Variants in RB1CC1 observed in about 807,000 individuals in gnomAD.
RB1CC1 encodes the protein RB1-inducible coiled-coil protein 1.
RB1CC1 carries 46 observed loss-of-function variants against 177.5 expected under a neutral mutation model. The ratio of observed to expected loss-of-function variants is 0.26; its 90% CI spans 0.20 to 0.33. The LOEUF (loss-of-function observed/expected upper bound fraction) is 0.33. RB1CC1 is among the 10% of genes least tolerant of loss of function. The probability of loss-of-function intolerance (pLI) is 1.00; values close to 1 mark genes in which losing one functional copy is unlikely to be tolerated. For missense variants in RB1CC1, 1,703 were observed against 1,816.3 expected, an observed-to-expected ratio of 0.94 and a Z score of 1.13; for synonymous variants, 666 against 613.6, an observed-to-expected ratio of 1.09 and a Z score of -1.26.
intron 15 of RB1CC1, among the ~76,000 whole-genome samples, chr8:52,647,413 T>C (rs770263684): frequency 2.6e-5 from 4 of 152,158 alleles, no homozygotes; most frequent in Admixed American, 6.6e-5. Flanking sequence ...AGGATTTACT[T>C]TTAAAGTTTC....
At chr8:52,709,591 T>C (rs140933144) in intron 1 of RB1CC1, among the ~76,000 whole-genome samples, 1 of 151,974 alleles carries the variant, frequency 6.6e-6, no homozygotes, top group Non-Finnish European at 1.5e-5. Context: ...ATACAAGAAT[T>C]AGTTGGCAGT....
intron 5 of RB1CC1, among the ~76,000 whole-genome samples, chr8:52,680,968 TTGTGTGTGTGTGTG>T (rs34048284): frequency 3.1e-5 from 4 of 131,060 alleles, no homozygotes; most frequent in African/African-American, 1.2e-4. Context: ...TTGTGGGGTT[TTGTGTGTGTGTGTG>T]TGTGTGTGTG....
chr8:52,643,379 T>C (rs1193911734), intron 16 of RB1CC1: 1 of 152,268 alleles, frequency 6.6e-6, no homozygotes, highest in Non-Finnish European at 1.5e-5. Flanking sequence ...GCACAGTTTC[T>C]TTAATAAAGA....
At chr8:52,688,263 C>T (rs895719634) in intron 1 of RB1CC1, among the ~76,000 whole-genome samples, 1 of 152,086 alleles carries the variant, frequency 6.6e-6, no homozygotes, top group Admixed American at 6.5e-5. Flanking sequence ...CAAAAAGAGC[C>T]ATATTTTTCT....
chr8:52,640,714 G>C (rs1309138053), intron 18 of RB1CC1, among the ~76,000 whole-genome samples: 1 of 152,040 alleles, frequency 6.6e-6, no homozygotes, highest in Non-Finnish European at 1.5e-5. Flanking sequence ...ACATATTTAT[G>C]TCATTCATGT....
chr8:52,696,685 A>G lies in RB1CC1; in HGVS notation c.-166-9718T>C, dbSNP rs549401197. ...TAAAAACTTAAAAAGCAAAGAAATTAAGCACTGTCCTTCCTATATGAAATG... is the reference window on the plus strand; with the variant it reads ...TAAAAACTTAAAAAGCAAAGAAATTGAGCACTGTCCTTCCTATATGAAATG... On this transcript the variant is annotated intron_variant, in intron 1 of 23. Transcript: ENST00000025008. Among the ~76,000 whole-genome samples the G allele has an allele frequency of 2.6e-5, 4 of 152,268 alleles. No individual in the cohort carries two copies. The South Asian group carries it at 8.3e-4, about 32-fold the overall frequency.
chr8:52,669,477 G>A (rs1333633921), intron 7 of RB1CC1, among the ~76,000 whole-genome samples: 10 of 152,100 alleles, frequency 6.6e-5, no homozygotes, highest in Non-Finnish European at 7.4e-5. Context: ...TGTACACAGA[G>A]AACATACAAA....
At chr8:52,662,106 T>C (rs1024581612) in intron 8 of RB1CC1, among the ~76,000 whole-genome samples, 3 of 152,020 alleles carry the variant, frequency 2.0e-5, no homozygotes, top group Non-Finnish European at 2.9e-5. Context: ...GCAAACATTA[T>C]ACAGTAGTAT....
chr8:52,629,555 G>C (rs1848618863), intron 21 of RB1CC1, among the ~76,000 whole-genome samples: 1 of 150,458 alleles, frequency 6.6e-6, no homozygotes, highest in South Asian at 2.1e-4. Flanking sequence ...CAAAAGGCAG[G>C]GGTTGGACTT....
Position 52,623,552 on chromosome 8 carries a change from TAA to T in RB1CC1, c.*228_*229del, listed in dbSNP as rs199511696. On this transcript the variant is annotated 3_prime_UTR_variant, in exon 24 of 24. Coordinates refer to ENST00000025008, the MANE Select transcript of RB1CC1 (RefSeq NM_014781.5). Reference sequence around the variant, plus strand: ...GTCCGCATTTCTAGAGTTGTCTGGGTAAAAAAAAAAACCAAAAAACAAAAACC... The same window carrying T: ...GTCCGCATTTCTAGAGTTGTCTGGGTAAAAAAAAACCAAAAAACAAAAACC... 4.1e-5 allele frequency: 17 copies of T among 414,278 alleles called. No individual in the cohort carries two copies. The highest frequency in any genetic ancestry group is 5.0e-5 in the Non-Finnish European group (11 of 221,722). 25.7% of individuals were successfully genotyped at this position (414,278 alleles called of 1,614,324 possible).
chr8:52,634,930 A>C lies in RB1CC1; in HGVS notation c.4431T>G (p.Asn1477Lys). Residue 1477 changes from asparagine (N) to lysine (K), a missense_variant, in exon 20 of 24, where the codon AAT becomes AAG. By Grantham distance (94) the Asn-to-Lys change is moderately conservative. Around this residue, in one of 6 missense-constraint regions of RB1CC1, gnomAD observed 1,169 missense variants for 1,184.7 expected, o/e 0.99. Transcript: ENST00000025008. ...QLKEEENKRL[N>K]QRLMSQSMSS... The stretch of plus-strand genomic sequence containing the variant: ...AGAAGAAAAATCTTACCAGTCTTTG[A>C]TTTAACCGTTTATTTTCTTCTTCTT... 6.2e-7 allele frequency: 1 copy of C among 1,606,826 alleles called. No homozygotes were observed. The highest frequency in any genetic ancestry group is 2.2e-5 in the East Asian group (1 of 44,676).
At chr8:52,706,805 CCCA>C (rs1856604479) in intron 1 of RB1CC1, among the ~76,000 whole-genome samples, 1 of 151,202 alleles carries the variant, frequency 6.6e-6, no homozygotes, top group Non-Finnish European at 1.5e-5. Context: ...ATTATAGGCA[CCCA>C]CCACCACACC....
At chr8:52,635,531 C>A (rs376149532) in intron 19 of RB1CC1, among the ~76,000 whole-genome samples, 36 of 152,120 alleles carry the variant, frequency 2.4e-4, no homozygotes, top group African/African-American at 8.2e-4. Context: ...TCTTATAGTA[C>A]CCTTAATAAA....
At position 52,694,308 on chromosome 8, in the gene RB1CC1, A is replaced by C. The variant is rs145368287; in HGVS notation, c.-166-7341T>G. 7.1e-3 allele frequency among the ~76,000 whole-genome samples: 1,088 copies of C among 152,316 alleles called. 7 individuals are homozygous for C. Among genetic ancestry groups the C allele is most frequent in the Non-Finnish European group, 0.012 (835 of 68,020 alleles). The stretch of plus-strand genomic sequence containing the variant: ...TTCAGGAAGAAGAGGAGGGTGATTC[A>C]GGATCTGCTCTCAAAGCAGAAAATA... On this transcript the variant is annotated intron_variant, in intron 1 of 23. Coordinates refer to ENST00000025008, the MANE Select transcript of RB1CC1 (RefSeq NM_014781.5).
chr8:52,671,696 T>TA (rs1591039533), intron 7 of RB1CC1, among the ~76,000 whole-genome samples: 1 of 152,328 alleles, frequency 6.6e-6, no homozygotes, highest in African/African-American at 2.4e-5. Flanking sequence ...ATAATATATA[T>TA]TTTTTAACTT....
At chr8:52,651,170 C>T (rs1031704536) in intron 15 of RB1CC1, among the ~76,000 whole-genome samples, 1 of 152,134 alleles carries the variant, frequency 6.6e-6, no homozygotes, top group African/African-American at 2.4e-5. Flanking sequence ...ATTATTTATA[C>T]GGGTGTAATG....
Position 52,660,975 on chromosome 8 carries a change from T to C in RB1CC1, c.1578A>G (p.Arg526=). Residue 526 remains arginine (R), a synonymous_variant, in exon 11 of 24, where the codon AGA becomes AGG. Transcript: ENST00000025008. ...TTTTTGATTTTTCTGCTTCATATAA[T>C]CTCTTTCCATCTTTGACTAAAGCAC... ...WAGALVKDGK[R]LYEAEKSKRE... 6.2e-7 allele frequency: 1 copy of C among 1,613,444 alleles called. No homozygotes were observed. The highest frequency in any genetic ancestry group is 1.1e-5 in the South Asian group (1 of 90,994).
chr8:52,662,049 G>A (rs1851680896), intron 8 of RB1CC1, among the ~76,000 whole-genome samples: 1 of 152,016 alleles, frequency 6.6e-6, no homozygotes, highest in Non-Finnish European at 1.5e-5. Context: ...GTCAGTCACA[G>A]CACAAACAAA....
At chr8:52,660,157 T>C (rs1406160028) in intron 12 of RB1CC1, among the ~76,000 whole-genome samples, 1 of 152,178 alleles carries the variant, frequency 6.6e-6, no homozygotes, top group Non-Finnish European at 1.5e-5. Flanking sequence ...CAGTGAAGTC[T>C]AACTGAGGCT....
Sources: gnomAD v4.1 joint callset for allele counts (sites outside exome capture counted in the v4.1 genomes callset) on GRCh38, gnomAD v4.1.1 for gene constraint, gnomAD v4.1.1 regional missense constraint, MANE v1.5 for transcripts, NCBI Gene and HGNC (gene_info 2026-07-23, HGNC 2026-07-21) for gene names.